The following MYO5B variants were observed in gnomAD, a reference collection of about 807,000 sequenced individuals.
MYO5B encodes the protein myosin VB, also known as unconventional myosin-Vb.
A neutral mutation model predicts 229.3 loss-of-function variants in MYO5B; 143 were observed. The ratio of observed to expected loss-of-function variants is 0.62; its 90% CI spans 0.54 to 0.72. The LOEUF (loss-of-function observed/expected upper bound fraction) is 0.72, where lower values mean the gene tolerates loss of function less well. MYO5B is among the 30% of genes least tolerant of loss of function. The probability of loss-of-function intolerance (pLI) is 0.00; values close to 1 mark genes in which losing one functional copy is unlikely to be tolerated. For missense variants in MYO5B, 2,321 were observed against 2,331.0 expected (o/e 1.00, Z 0.09); for synonymous variants, 918 against 885.2 (o/e 1.04, Z -0.66).
intron 1 of MYO5B, among the ~76,000 whole-genome samples, chr18:50,154,272 T>C (rs2032646110): frequency 6.6e-6 from 1 of 152,178 alleles, no homozygotes; most frequent in Admixed American, 6.5e-5. Context: ...TGCAAGATCA[T>C]ATTGTGTGAT....
chr18:50,005,312 T>C (rs1222828379), intron 4 of MYO5B, among the ~76,000 whole-genome samples: 1 of 152,218 alleles, frequency 6.6e-6, no homozygotes, highest in Non-Finnish European at 1.5e-5. Flanking sequence ...CCCTGAGTCC[T>C]GGTTCTGCTG....
At chr18:50,102,035 C>T (rs113560346) in intron 1 of MYO5B, among the ~76,000 whole-genome samples, 16 of 152,230 alleles carry the variant, frequency 1.1e-4, no homozygotes, top group African/African-American at 2.9e-4. Flanking sequence ...ATATACACCA[C>T]GGAATACTAT....
At chr18:49,857,066 C>G (rs1433409441) in intron 29 of MYO5B, among the ~76,000 whole-genome samples, 176 bp from the exon 30 acceptor site, 1 of 152,216 alleles carries the variant, frequency 6.6e-6, no homozygotes, top group Non-Finnish European at 1.5e-5. Context: ...AGCATCTCTC[C>G]CATAAGTCCT....
At chr18:49,915,227 G>C (rs1357656551) in intron 17 of MYO5B, among the ~76,000 whole-genome samples, 1 of 152,022 alleles carries the variant, frequency 6.6e-6, no homozygotes, top group African/African-American at 2.4e-5. Context: ...TACCCCTTTA[G>C]AGTGTACAAT....
chr18:49,857,963 C>A (rs1026462461), intron 29 of MYO5B, among the ~76,000 whole-genome samples: 4 of 152,214 alleles, frequency 2.6e-5, no homozygotes, highest in Admixed American at 2.0e-4. Flanking sequence ...GCTTTCCAGG[C>A]AGGAATAATG....
intron 1 of MYO5B, among the ~76,000 whole-genome samples, chr18:50,107,819 C>G (rs1172692628): frequency 6.6e-6 from 1 of 152,206 alleles, no homozygotes; most frequent in Non-Finnish European, 1.5e-5. Flanking sequence ...AAGTGGACAT[C>G]TGCATAACCA....
At chr18:50,124,468 A>G (rs1312443084) in intron 1 of MYO5B, among the ~76,000 whole-genome samples, 1 of 152,200 alleles carries the variant, frequency 6.6e-6, no homozygotes, top group Non-Finnish European at 1.5e-5. Flanking sequence ...CTGCTCTTCT[A>G]TTAAATGGAT....
intron 1 of MYO5B, among the ~76,000 whole-genome samples, chr18:50,083,351 T>A (rs1239000722): frequency 6.6e-6 from 1 of 152,158 alleles, no homozygotes; most frequent in East Asian, 1.9e-4. Flanking sequence ...CCAGCCCCTT[T>A]CCTCTCCCAG....
At chr18:50,087,753 C>T (rs961975645) in intron 1 of MYO5B, among the ~76,000 whole-genome samples, 3 of 152,068 alleles carry the variant, frequency 2.0e-5, no homozygotes, top group Non-Finnish European at 2.9e-5. Context: ...AAGCCCAGAG[C>T]GTTCACTGGA....
intron 1 of MYO5B, among the ~76,000 whole-genome samples, chr18:50,109,125 C>T: frequency 6.6e-6 from 1 of 152,194 alleles, no homozygotes; most frequent in Non-Finnish European, 1.5e-5. Flanking sequence ...CCACAGCTTC[C>T]ACCAAACTTC....
chr18:49,856,432 G>A (rs1348746967), intron 30 of MYO5B, among the ~76,000 whole-genome samples: 1 of 152,158 alleles, frequency 6.6e-6, no homozygotes, highest in Non-Finnish European at 1.5e-5. Context: ...CAGTTAGGAG[G>A]GCCAATATGT....
At chr18:49,904,645 C>T (rs1416523978) in intron 20 of MYO5B, 27 bp downstream of exon 20, 5 of 1,613,928 alleles carry the variant, frequency 3.1e-6, no homozygotes, top group Non-Finnish European at 4.2e-6. Context: ...AATCTGCAGC[C>T]CTGAGGCCCT....
intron 5 of MYO5B, among the ~76,000 whole-genome samples, chr18:50,000,256 G>A (rs1472273625): frequency 6.6e-6 from 1 of 152,158 alleles, no homozygotes; most frequent in African/African-American, 2.4e-5. Context: ...TTAGTCGATG[G>A]GGCTCAGGGC....
At chr18:49,837,005 T>A in intron 37 of MYO5B, 120 bp from the exon 38 acceptor site, 3 of 990,516 alleles carry the variant, frequency 3.0e-6, no homozygotes, top group Non-Finnish European at 4.6e-6. Context: ...CTCACACGGT[T>A]AAAAAGCATG....
intron 5 of MYO5B, among the ~76,000 whole-genome samples, chr18:50,000,153 G>A (rs929754159): frequency 3.3e-5 from 5 of 152,224 alleles, no homozygotes; most frequent in Non-Finnish European, 7.3e-5. Context: ...TAAAGGAAGA[G>A]AGAAAGAGGG....
chr18:49,842,469 T>G (rs569998190), intron 34 of MYO5B, among the ~76,000 whole-genome samples: 112 of 152,320 alleles, frequency 7.4e-4, no homozygotes, highest in African/African-American at 2.6e-3. Flanking sequence ...TGAGAATGGC[T>G]TGTATCCTGG....
At chr18:50,018,255 C>A (rs988538640) in intron 4 of MYO5B, among the ~76,000 whole-genome samples, 4 of 150,104 alleles carry the variant, frequency 2.7e-5, no homozygotes, top group African/African-American at 9.8e-5. Context: ...CCCAGCTAGT[C>A]ACTCATATCC....
chr18:50,185,207 C>A (rs941951096), intron 1 of MYO5B, among the ~76,000 whole-genome samples: 1 of 151,690 alleles, frequency 6.6e-6, no homozygotes, highest in African/African-American at 2.4e-5. Flanking sequence ...GTAGAGCCTA[C>A]CAAGCATGTG....
chr18:49,863,647 C>T (rs190027900), intron 28 of MYO5B, among the ~76,000 whole-genome samples: 1 of 152,214 alleles, frequency 6.6e-6, no homozygotes, highest in East Asian at 1.9e-4. Context: ...CTCCACACTC[C>T]TCAGCACCTG....
Sources: gnomAD v4.1 joint callset for allele counts (sites outside exome capture counted in the v4.1 genomes callset) on GRCh38, gnomAD v4.1.1 for gene constraint, MANE v1.5 for transcripts, NCBI Gene and HGNC (gene_info 2026-07-23, HGNC 2026-07-21) for gene names.